RAP1GDS1: variants seen among roughly 807,000 people sequenced by gnomAD.
RAP1GDS1 encodes Rap1 GTPase-GDP dissociation stimulator 1.
Under a neutral mutation model 71.1 loss-of-function variants are expected in RAP1GDS1, and 35 were observed. The observed-to-expected ratio is 0.49, with a 90% CI of 0.38 to 0.65. RAP1GDS1 has a LOEUF of 0.65. RAP1GDS1 is among the 30% of genes least tolerant of loss of function. The pLI, the probability that RAP1GDS1 is intolerant of heterozygous loss-of-function variation, is 0.00. For synonymous variants in RAP1GDS1, 229 were observed against 243.1 expected (o/e 0.94, Z 0.54); for missense variants, 663 against 706.1 (o/e 0.94, Z 0.69).
chr4:98,276,123 C>T (rs1724165579), intron 1 of RAP1GDS1, among the ~76,000 whole-genome samples: 1 of 152,054 alleles, frequency 6.6e-6, no homozygotes, highest in Admixed American at 6.6e-5. Context: ...AGGCCTGCCT[C>T]CTGGTTTATA....
intron 14 of RAP1GDS1, chr4:98,441,474 G>A: frequency 2.0e-6 from 2 of 985,242 alleles, no homozygotes; most frequent in Non-Finnish European, 2.4e-6. Context: ...TAAGTCATTG[G>A]ACTTCATATT....
At position 98,360,883 on chromosome 4, in the gene RAP1GDS1, T is replaced by C. The variant is rs555306643; in HGVS notation, c.361+8282T>C. 3.9e-5 allele frequency among the ~76,000 whole-genome samples: 6 copies of C among 152,010 alleles called. No individual in the cohort carries two copies. The East Asian group carries it at 1.2e-3, about 29-fold the overall frequency. ...GGTCAGGAGTTCAAGAGCAGTCTGG[T>C]CAACATGGTGAAACCCCATCTCTAC... On this transcript the variant is annotated intron_variant, in intron 4 of 14. Coordinates refer to ENST00000408927, the MANE Select transcript of RAP1GDS1 (RefSeq NM_001100427.2).
At chr4:98,437,098 T>G in intron 14 of RAP1GDS1, 30 bp downstream of exon 14, 3 of 1,551,960 alleles carry the variant, frequency 1.9e-6, no homozygotes, top group Non-Finnish European at 2.6e-6. Context: ...TTGATGTCCA[T>G]AAACATATGG....
chr4:98,312,155 C>T (rs1240465184), intron 2 of RAP1GDS1, among the ~76,000 whole-genome samples: 1 of 152,170 alleles, frequency 6.6e-6, no homozygotes, highest in Non-Finnish European at 1.5e-5. Context: ...GCTCACTATT[C>T]TCAGGGCCAG....
At chr4:98,421,158 T>G (rs1748797576) in intron 11 of RAP1GDS1, 97 bp from the exon 12 acceptor site, 1 of 1,299,404 alleles carries the variant, frequency 7.7e-7, no homozygotes, top group African/African-American at 1.5e-5. Context: ...TCGTGCTGTG[T>G]TTTTTTAGAC....
chr4:98,397,333 C>G (rs78998016), intron 6 of RAP1GDS1, among the ~76,000 whole-genome samples: 10,018 of 152,062 alleles, frequency 0.066, 380 homozygotes, highest in Admixed American at 0.13. Flanking sequence ...TAGTTGGAAA[C>G]TAACTAAAAC....
chr4:98,328,333 G>T (rs1375179571), intron 2 of RAP1GDS1, among the ~76,000 whole-genome samples: 4 of 152,304 alleles, frequency 2.6e-5, no homozygotes, highest in African/African-American at 9.6e-5. Flanking sequence ...TAGCATTGAG[G>T]TGCGTAAGAG....
chr4:98,354,149 G>A (rs1185734249), intron 4 of RAP1GDS1, among the ~76,000 whole-genome samples: 4 of 148,150 alleles, frequency 2.7e-5, no homozygotes, highest in Non-Finnish European at 3.0e-5. Flanking sequence ...TGCAAGCTCC[G>A]CTTCCCGGGT....
intron 6 of RAP1GDS1, among the ~76,000 whole-genome samples, chr4:98,398,591 A>G (rs1031955919): frequency 4.1e-4 from 62 of 152,178 alleles, no homozygotes; most frequent in African/African-American, 1.4e-3. Context: ...GGGAAGCCAG[A>G]TCAATTAGGC....
In RAP1GDS1 at chr4:98,433,966, G is replaced by A. The variant is rs1373178862; in HGVS notation, c.1471G>A (p.Gly491Ser). Residue 491 changes from glycine (G) to serine (S), a missense_variant, in exon 13 of 15, where the codon GGC (glycine) becomes AGC (serine). Gly to Ser is a moderately conservative substitution (Grantham distance 56, BLOSUM62 0). Coordinates refer to ENST00000408927, the MANE Select transcript of RAP1GDS1 (RefSeq NM_001100427.2). ...AATTAAAACCATTGTGCAGAGTGGT[G>A]GCATCAAGCATCTAGTTACCATGGC... ...DVIKTIVQSG[G>S]IKHLVTMATS... 3.1e-6 allele frequency: 5 copies of A among 1,609,970 alleles called. No homozygotes were observed. The highest frequency in any genetic ancestry group is 1.7e-6 in the Non-Finnish European group (2 of 1,176,380).
intron 1 of RAP1GDS1, among the ~76,000 whole-genome samples, chr4:98,278,901 C>T (rs28703816): frequency 0.14 from 21,640 of 152,096 alleles, 2,252 homozygotes; most frequent in African/African-American, 0.29. Flanking sequence ...AATGGCATTC[C>T]ATTTTAAAAA....
Position 98,261,391 on chromosome 4 carries a change from C to T in RAP1GDS1, c.-175C>T, listed in dbSNP as rs1292188913. 1.0e-5 allele frequency: 2 copies of T among 196,580 alleles called. No individual in the cohort carries two copies. The highest frequency in any genetic ancestry group is 1.9e-5 in the Non-Finnish European group (2 of 104,706). 12.2% of individuals were successfully genotyped at this position (196,580 alleles called of 1,614,324 possible). On this transcript the variant is annotated 5_prime_UTR_variant, in exon 1 of 15. Transcript: ENST00000408927. Reference sequence around the variant, plus strand: ...CCCGCCCCGCCCCCCGCCGCTCGTCCCCGCCGCGGCCGCGCCGCCTGCAGC... The same window carrying T: ...CCCGCCCCGCCCCCCGCCGCTCGTCTCCGCCGCGGCCGCGCCGCCTGCAGC...
At chr4:98,384,993 A>G (rs1450402907) in intron 5 of RAP1GDS1, among the ~76,000 whole-genome samples, 1 of 151,578 alleles carries the variant, frequency 6.6e-6, no homozygotes, top group Non-Finnish European at 1.5e-5. Context: ...ATTCTTTAGT[A>G]TGGTTTTCTC....
In RAP1GDS1 at chr4:98,421,311, T is replaced by C; in HGVS notation, c.1357T>C (p.Trp453Arg). 1.2e-6 allele frequency: 2 copies of C among 1,612,212 alleles called. No individual in the cohort carries two copies. Among genetic ancestry groups the C allele is most frequent in the South Asian group, 1.1e-5 (1 of 90,662 alleles). The change falls in exon 12 of 15, where the codon TGG becomes CGG. Residue 453 changes from tryptophan (W) to arginine (R), a missense_variant. Coordinates refer to ENST00000408927, the MANE Select transcript of RAP1GDS1 (RefSeq NM_001100427.2). ...TAAGTTAGTGGAGCGTTTGGTGGAA[T>C]GGTGTGAAGCCAAAGATCATGCTGG... The part of the protein sequence containing the change: ...NVKLVERLVE[W>R]CEAKDHAGVM...
At chr4:98,338,027 C>T (rs993725468) in intron 2 of RAP1GDS1, among the ~76,000 whole-genome samples, 12 of 151,658 alleles carry the variant, frequency 7.9e-5, no homozygotes, top group Non-Finnish European at 1.3e-4. Flanking sequence ...GGAGGCAAAC[C>T]GGAGTTAGGG....
chr4:98,399,258 A>G (rs1745002375), intron 6 of RAP1GDS1, among the ~76,000 whole-genome samples: 1 of 152,200 alleles, frequency 6.6e-6, no homozygotes, highest in Non-Finnish European at 1.5e-5. Context: ...AGCACAGAAA[A>G]CAACAGAGTG....
intron 3 of RAP1GDS1, among the ~76,000 whole-genome samples, chr4:98,345,448 G>A (rs1057198519): frequency 3.3e-5 from 5 of 152,276 alleles, no homozygotes; most frequent in East Asian, 3.9e-4. Context: ...CCGTGGGCGA[G>A]TTTAATGTGG....
At chr4:98,295,757 T>C (rs1188980966) in intron 2 of RAP1GDS1, among the ~76,000 whole-genome samples, 1 of 152,116 alleles carries the variant, frequency 6.6e-6, no homozygotes, top group Non-Finnish European at 1.5e-5. Context: ...TTTTTGTTTT[T>C]TCTTTAATAA....
intron 2 of RAP1GDS1, among the ~76,000 whole-genome samples, chr4:98,322,806 C>G (rs1732178773): frequency 7.3e-6 from 1 of 136,514 alleles, no homozygotes; most frequent in Admixed American, 7.3e-5. Flanking sequence ...TAAATGCCCA[C>G]AAGAGAAAGG....
Sources: gnomAD v4.1 joint callset for allele counts (sites outside exome capture counted in the v4.1 genomes callset) on GRCh38, gnomAD v4.1.1 for gene constraint, MANE v1.5 for transcripts, NCBI Gene and HGNC (gene_info 2026-07-23, HGNC 2026-07-21) for gene names.